The following MAST3 variants were observed in gnomAD, a reference collection of about 807,000 sequenced individuals.
MAST3 encodes microtubule associated serine/threonine kinase 3.
A neutral mutation model predicts 127.0 loss-of-function variants in MAST3; 43 were observed. The ratio of observed to expected loss-of-function variants is 0.34; its 90% CI spans 0.27 to 0.44. MAST3 has a LOEUF of 0.44. Among genes scored for constraint, MAST3 ranks in the 20% least tolerant of loss-of-function variants. MAST3 has a pLI of 1.00. For synonymous variants in MAST3, 785 were observed against 809.2 expected (o/e 0.97, Z 0.51); for missense variants, 1,390 against 1,919.1 (o/e 0.72, Z 5.15).
chr19:18,121,639 C>G (rs746078055), intron 3 of MAST3, 46 bp from the exon 4 acceptor site: 2 of 1,534,086 alleles, frequency 1.3e-6, no homozygotes, highest in Non-Finnish European at 1.8e-6. Flanking sequence ...TGGCTTAGCG[C>G]GGGGCCCTGG....
At chr19:18,102,599 G>T (rs565098348) in intron 1 of MAST3, among the ~76,000 whole-genome samples, 1 of 150,218 alleles carries the variant, frequency 6.7e-6, no homozygotes, top group Admixed American at 6.6e-5. Flanking sequence ...CTCCTGCCTC[G>T]GCCTACCGAG....
intron 12 of MAST3, 90 bp from the exon 13 acceptor site, chr19:18,128,776 G>A (rs2012189803): frequency 2.0e-6 from 2 of 1,000,426 alleles, no homozygotes; most frequent in African/African-American, 1.6e-5. Context: ...GTAGCATCGG[G>A]CACCAGGACC....
At chr19:18,117,075 C>T (rs1388569871) in intron 3 of MAST3, among the ~76,000 whole-genome samples, 1 of 151,714 alleles carries the variant, frequency 6.6e-6, no homozygotes, top group East Asian at 2.0e-4. Flanking sequence ...TTAATTCAGT[C>T]CTTACGGTGG....
intron 3 of MAST3, among the ~76,000 whole-genome samples, chr19:18,117,694 G>A (rs2039435998): frequency 6.6e-6 from 1 of 152,208 alleles, no homozygotes; most frequent in Non-Finnish European, 1.5e-5. Context: ...AGTGCTCTGG[G>A]AGAGAGGAAA....
At chr19:18,100,597 C>T (rs1190153264) in intron 1 of MAST3, among the ~76,000 whole-genome samples, 2 of 152,218 alleles carry the variant, frequency 1.3e-5, no homozygotes, top group Admixed American at 6.5e-5. Flanking sequence ...CTCATGCATT[C>T]AATTCTCCCA....
intron 2 of MAST3, among the ~76,000 whole-genome samples, chr19:18,108,834 C>T (rs887780435): frequency 1.3e-4 from 20 of 152,138 alleles, no homozygotes; most frequent in Admixed American, 1.2e-3. Flanking sequence ...GCTGCTTTTG[C>T]CTGAGTTGGG....
chr19:18,128,034 G>A (rs1026555814), intron 11 of MAST3, among the ~76,000 whole-genome samples: 2 of 152,154 alleles, frequency 1.3e-5, no homozygotes, highest in Non-Finnish European at 2.9e-5. Flanking sequence ...CTCTGCCAAG[G>A]CCTGGGGCAA....
At position 18,144,831 on chromosome 19, in the gene MAST3, G is replaced by A. The variant is rs2147810714; in HGVS notation, c.2812+138G>A. 2.9e-6 allele frequency: 3 copies of A among 1,029,946 alleles called. No individual in the cohort carries two copies. The South Asian group carries it at 4.0e-5, about 14-fold the overall frequency. The allele number at this position is 1,029,946 out of a possible 1,614,324, so 63.8% of individuals were successfully genotyped here. ...GGAGTAGGACACATGGAGAGCTGGG[G>A]AGATGGTGTTCCCAGTAGAGGGCAC... On this transcript the variant is annotated intron_variant, in intron 23 of 27. Transcript: ENST00000687212. This position sits in a 1 kb window ranked among gnomAD's most constrained non-coding sequence, Gnocchi z 4.0.
In MAST3 at chr19:18,124,340, C is replaced by A; in HGVS notation, c.919C>A (p.Arg307=). ...LVRKLLIIIS[R]PARLLECLEF... ...CCGGAAACTGCTGATCATCATCTCA[C>A]GGCCAGCTCGGCTGCTGGAGTGTCT... is the stretch of plus-strand genomic sequence containing the variant. Residue 307 remains arginine, a synonymous_variant, in exon 10 of 28, where the codon CGG becomes AGG. Coordinates refer to ENST00000687212, the MANE Select transcript of MAST3 (RefSeq NM_001393504.1). 6.2e-7 allele frequency: 1 copy of A among 1,606,948 alleles called. No individual in the cohort carries two copies. Among genetic ancestry groups the A allele is most frequent in the Non-Finnish European group, 8.5e-7 (1 of 1,176,600 alleles).
chr19:18,144,073 A>G lies in MAST3; in HGVS notation c.2584+66A>G. On this transcript the variant is annotated intron_variant, in intron 22 of 27. Transcript: ENST00000687212. The surrounding 1 kb of genome is among the most constrained non-coding windows in gnomAD (Gnocchi z 4.0). ...TTTCCCAGAGGAGGGGCTATTTGAGATGGGTTTTCAAGGATGAGTAGGAGT... is the reference window on the plus strand; with the variant it reads ...TTTCCCAGAGGAGGGGCTATTTGAGGTGGGTTTTCAAGGATGAGTAGGAGT... The G allele has an allele frequency of 6.6e-7, 1 of 1,523,776 alleles. No individual in the cohort carries two copies. Among genetic ancestry groups the G allele is most frequent in the East Asian group, 2.5e-5 (1 of 40,784 alleles). The allele number at this position is 1,523,776 out of a possible 1,614,324, so 94.4% of individuals were successfully genotyped here. A position where few individuals can be genotyped will look rare whatever the true frequency, so the allele number is the denominator to read the frequency against.
rs114741274 is a variant in MAST3, at chr19:18,145,506, C to T, written c.3040-237C>T. On this transcript the variant is annotated intron_variant, in intron 24 of 27. Coordinates refer to ENST00000687212, the MANE Select transcript of MAST3 (RefSeq NM_001393504.1). This position sits in a 1 kb window ranked among gnomAD's most constrained non-coding sequence, Gnocchi z 5.9. The stretch of plus-strand genomic sequence containing the variant: ...TATCCTCCCTCTCCCAGCCCAAGGG[C>T]GTCGAGGCATGCCCTCCCTATTGGT... 3.7e-3 allele frequency among the ~76,000 whole-genome samples: 566 copies of T among 152,312 alleles called. 5 individuals carry two copies. The highest frequency in any genetic ancestry group is 0.012 in the African/African-American group (516 of 41,572).
intron 15 of MAST3, among the ~76,000 whole-genome samples, chr19:18,134,289 C>T (rs2041664541): frequency 6.6e-6 from 1 of 151,516 alleles, no homozygotes; most frequent in South Asian, 2.1e-4. Flanking sequence ...TGCTGGCTCA[C>T]ACCTGTCATG....
intron 1 of MAST3, among the ~76,000 whole-genome samples, chr19:18,099,327 C>A (rs1338102046): frequency 6.7e-4 from 22 of 32,744 alleles, no homozygotes; most frequent in African/African-American, 2.8e-3. Flanking sequence ...GGGACTTGGG[C>A]GGAAAGGAGG....
At chr19:18,097,977 C>A in intron 1 of MAST3, 146 bp downstream of exon 1, 1 of 603,600 alleles carries the variant, frequency 1.7e-6, no homozygotes, top group Non-Finnish European at 2.4e-6. Context: ...TCTTTTTGAC[C>A]ACCCGCTTCT....
intron 15 of MAST3, among the ~76,000 whole-genome samples, chr19:18,132,523 A>G (rs984153776): frequency 1.3e-5 from 2 of 152,144 alleles, no homozygotes; most frequent in African/African-American, 4.8e-5. Flanking sequence ...GCTGTATATT[A>G]GTGCAGGAAA....
rs769868982 is a variant in MAST3, at chr19:18,134,966, C to T, written c.1854C>T (p.Phe618=). ...TTGGAGATACCCCCGAGGAACTCTT[C>T]GGTCAGGTGGTCAGCGGTGCGTTTC... ...PFFGDTPEEL[F]GQVVSDEIMW... The change falls in exon 17 of 28, where the codon TTC becomes TTT. Residue 618 remains phenylalanine, a synonymous_variant. Coordinates refer to ENST00000687212, the MANE Select transcript of MAST3 (RefSeq NM_001393504.1). The T allele has an allele frequency of 6.2e-6, 10 of 1,611,506 alleles. No homozygotes were observed. In the African/African-American group the frequency reaches 9.3e-5, roughly 15 times the overall value.
At chr19:18,131,785 A>G (rs2041321486) in intron 14 of MAST3, 124 bp from the exon 15 acceptor site, 1 of 1,082,330 alleles carries the variant, frequency 9.2e-7, no homozygotes, top group African/African-American at 1.6e-5. Flanking sequence ...CTGAGATAGA[A>G]CAAACTGGGG....
chr19:18,130,756 G>A (rs899145625), intron 14 of MAST3, 54 bp downstream of exon 14: 15 of 1,550,744 alleles, frequency 9.7e-6, no homozygotes, highest in East Asian at 2.3e-5. Flanking sequence ...ACCCCTCCAC[G>A]CCTGGGAGAA....
chr19:18,129,724 A>G (rs2041048630), intron 13 of MAST3, among the ~76,000 whole-genome samples: 1 of 152,158 alleles, frequency 6.6e-6, no homozygotes, highest in Admixed American at 6.5e-5. Flanking sequence ...CAGGAGTTCG[A>G]GACCAGCCTG....
Sources: allele counts gnomAD v4.1 joint callset (sites outside exome capture counted in the v4.1 genomes callset), GRCh38; gene constraint gnomAD v4.1.1; non-coding constraint Gnocchi (gnomAD v3.1); transcripts MANE v1.5; gene names NCBI Gene and HGNC (gene_info 2026-07-23, HGNC 2026-07-21).